ABHD18: variants seen among roughly 807,000 people sequenced by gnomAD.
ABHD18 encodes cardiolipin-specific deacylase, mitochondrial.
ABHD18 carries 55 observed loss-of-function variants against 65.9 expected under a neutral mutation model. The ratio of observed to expected loss-of-function variants is 0.84; its 90% CI spans 0.67 to 1.05. The LOEUF is 1.05. ABHD18 is among the 50% of genes least tolerant of loss of function. ABHD18 has a pLI of 0.00. For synonymous variants in ABHD18, 181 were observed against 180.2 expected (o/e 1.00, Z -0.04); for missense variants, 533 against 558.5 (o/e 0.95, Z 0.46).
chr4:127,965,698 G>T (rs551982253), intron 1 of ABHD18, 92 bp downstream of exon 1: 7 of 171,568 alleles, frequency 4.1e-5, no homozygotes, highest in African/African-American at 1.2e-4. Flanking sequence ...AGGGACCGGG[G>T]ACGCGGAGCT....
At chr4:127,996,026 A>C (rs558266903) in intron 4 of ABHD18, among the ~76,000 whole-genome samples, 1 of 152,356 alleles carries the variant, frequency 6.6e-6, no homozygotes, top group South Asian at 2.1e-4. Flanking sequence ...CCACTTCTGA[A>C]TTAGGGCTTG....
At chr4:128,012,574 A>T (rs1331839253) in intron 7 of ABHD18, among the ~76,000 whole-genome samples, 1 of 152,216 alleles carries the variant, frequency 6.6e-6, no homozygotes, top group Admixed American at 6.5e-5. Context: ...TGACCAGTGA[A>T]TGAAGTAAAG....
rs754900919 is a variant in ABHD18, at chr4:128,038,181, A to G, written c.*2368A>G. On this transcript the variant is annotated 3_prime_UTR_variant, in exon 13 of 13. Transcript: ENST00000645843. ...GTAGACAAAGTAGTAACTTCTTTCA[A>G]ACTACTTTGGCATAACAAGCCAACA... 19 of 152,326 alleles carry G rather than the reference A, an allele frequency of 1.2e-4. No individual in the cohort carries two copies. Among genetic ancestry groups the G allele is most frequent in the Non-Finnish European group, 5.9e-5 (4 of 68,028 alleles). 9.4% of individuals were successfully genotyped at this position (152,326 alleles called of 1,614,324 possible). A position where few individuals can be genotyped will look rare whatever the true frequency, so the allele number is the denominator to read the frequency against.
intron 1 of ABHD18, 57 bp from the exon 2 acceptor site, chr4:127,982,882 C>T: frequency 1.1e-6 from 1 of 880,090 alleles, no homozygotes; most frequent in Non-Finnish European, 1.7e-6. Context: ...AGAAAATTGA[C>T]CTGCTACCTT....
intron 4 of ABHD18, among the ~76,000 whole-genome samples, chr4:128,006,147 G>A (rs1753564350): frequency 6.6e-6 from 1 of 152,164 alleles, no homozygotes; most frequent in African/African-American, 2.4e-5. Context: ...TTTGAGCAGA[G>A]ACACTGATTA....
intron 4 of ABHD18, among the ~76,000 whole-genome samples, chr4:127,996,217 A>G (rs962222755): frequency 6.6e-6 from 1 of 152,218 alleles, no homozygotes; most frequent in South Asian, 2.1e-4. Flanking sequence ...CTGTTCAGAT[A>G]CATAGTATTC....
chr4:128,006,724 G>C (rs1753660817), intron 4 of ABHD18, among the ~76,000 whole-genome samples: 1 of 152,178 alleles, frequency 6.6e-6, no homozygotes, highest in Admixed American at 6.5e-5. Flanking sequence ...ATGTTTTTAA[G>C]ATAGATGATA....
chr4:128,005,281 T>C (rs1753416263), intron 4 of ABHD18, among the ~76,000 whole-genome samples: 1 of 152,176 alleles, frequency 6.6e-6, no homozygotes. Flanking sequence ...TAAAGTCTGT[T>C]TGTTGTTTCC....
In ABHD18 at chr4:128,004,904, C is replaced by T. The variant is rs192344972; in HGVS notation, c.279-4016C>T. Among the ~76,000 whole-genome samples, 33 of 149,980 alleles carry T rather than the reference C, an allele frequency of 2.2e-4. No homozygotes were observed. The East Asian group carries it at 4.7e-3, about 22-fold the overall frequency. On this transcript the variant is annotated intron_variant, in intron 4 of 12. Coordinates refer to ENST00000645843, the MANE Select transcript of ABHD18 (RefSeq NM_001358451.3). ...CAGCCTGGGCGACAGAATGAGACTC[C>T]GTCTCAAAAAACAAAACAAAACAAA... is the stretch of plus-strand genomic sequence containing the variant.
At chr4:128,021,065 G>T in intron 9 of ABHD18, 72 bp from the exon 10 acceptor site, 9 of 821,418 alleles carry the variant, frequency 1.1e-5, no homozygotes, top group South Asian at 1.8e-5. Flanking sequence ...GTCTCACACA[G>T]TAATAATAAT....
intron 4 of ABHD18, among the ~76,000 whole-genome samples, chr4:127,998,563 C>A (rs1296003723): frequency 6.8e-6 from 1 of 147,846 alleles, no homozygotes; most frequent in African/African-American, 2.5e-5. Flanking sequence ...TTTTAAGAGA[C>A]TGGATCTCAC....
intron 1 of ABHD18, among the ~76,000 whole-genome samples, chr4:127,975,912 G>A (rs1028094666): frequency 5.9e-5 from 9 of 151,914 alleles, no homozygotes; most frequent in South Asian, 4.2e-4. Context: ...TGCAACCTCC[G>A]CCTCCCAGGT....
At chr4:127,970,257 C>G (rs553220359) in intron 1 of ABHD18, among the ~76,000 whole-genome samples, 1 of 151,968 alleles carries the variant, frequency 6.6e-6, no homozygotes, top group Non-Finnish European at 1.5e-5. Flanking sequence ...ATGGGTGTTA[C>G]AAAGAAAGAT....
At chr4:128,007,865 A>G (rs981320238) in intron 4 of ABHD18, among the ~76,000 whole-genome samples, 2 of 152,182 alleles carry the variant, frequency 1.3e-5, no homozygotes, top group Non-Finnish European at 2.9e-5. Flanking sequence ...ATCATATACT[A>G]AAAGTTTTAA....
intron 4 of ABHD18, among the ~76,000 whole-genome samples, chr4:127,998,338 A>C (rs1033807093): frequency 1.5e-5 from 2 of 134,484 alleles, no homozygotes; most frequent in Non-Finnish European, 1.5e-5. Flanking sequence ...GCTGGAGTGC[A>C]CTGGCACGAT....
chr4:128,024,118 G>A (rs949805301), intron 10 of ABHD18, among the ~76,000 whole-genome samples: 2 of 152,218 alleles, frequency 1.3e-5, no homozygotes, highest in African/African-American at 4.8e-5. Flanking sequence ...CAGTTCTGGA[G>A]GCTAGAAAGT....
intron 3 of ABHD18, among the ~76,000 whole-genome samples, chr4:127,988,968 G>T (rs1048111409): frequency 6.6e-6 from 1 of 152,134 alleles, no homozygotes; most frequent in Non-Finnish European, 1.5e-5. Flanking sequence ...AAGTGATATC[G>T]GCACTCCCAT....
chr4:127,999,638 A>T (rs1752335968), intron 4 of ABHD18, among the ~76,000 whole-genome samples: 2 of 152,038 alleles, frequency 1.3e-5, no homozygotes, highest in South Asian at 4.1e-4. Context: ...TAGTGAGGTT[A>T]TTTGGTTTTT....
intron 7 of ABHD18, among the ~76,000 whole-genome samples, chr4:128,015,528 G>T (rs1182683408): frequency 6.6e-6 from 1 of 152,086 alleles, no homozygotes; most frequent in Non-Finnish European, 1.5e-5. Context: ...TTGAGGATAG[G>T]AAACAAAGAT....
Sources: gnomAD v4.1 joint callset for allele counts (sites outside exome capture counted in the v4.1 genomes callset) on GRCh38, gnomAD v4.1.1 for gene constraint, MANE v1.5 for transcripts, NCBI Gene and HGNC (gene_info 2026-07-23, HGNC 2026-07-21) for gene names.